The following NEDD4L variants were observed in gnomAD, a reference collection of about 807,000 sequenced individuals.
The protein encoded by NEDD4L is E3 ubiquitin-protein ligase NEDD4-like.
Under a neutral mutation model 148.9 loss-of-function variants are expected in NEDD4L, and 54 were observed. That is an observed-to-expected ratio of 0.36 (90% CI 0.29 to 0.45). NEDD4L has a LOEUF of 0.45. Ranked by LOEUF, NEDD4L falls within the 20% of genes least tolerant of loss-of-function variation. The probability of loss-of-function intolerance (pLI) is 1.00; values close to 1 mark genes in which losing one functional copy is unlikely to be tolerated. For synonymous variants in NEDD4L, 433 were observed against 440.7 expected (o/e 0.98, Z 0.22); for missense variants, 856 against 1,233.8 (o/e 0.69, Z 4.59).
chr18:58,155,256 T>C lies in NEDD4L; in HGVS notation c.49-10532T>C, dbSNP rs1362176616. Among the ~76,000 whole-genome samples the C allele has an allele frequency of 5.7e-5, 8 of 140,592 alleles. No homozygotes were observed. In the East Asian group the frequency reaches 1.7e-3, roughly 31 times the overall value. 92.2% of individuals were successfully genotyped at this position (140,592 alleles called of 152,430 possible). On this transcript the variant is annotated intron_variant, in intron 1 of 30. Transcript: ENST00000400345. ...TACCCACCCACATAGTAATTGCGAC[T>C]ATCTTGTGTTTTGAAAAAAAAAAAA...
chr18:58,392,343 T>C (rs2049945023), intron 30 of NEDD4L, among the ~76,000 whole-genome samples: 1 of 152,234 alleles, frequency 6.6e-6, no homozygotes, highest in African/African-American at 2.4e-5. Flanking sequence ...GTGTTTCTCA[T>C]GCAGCGGGGG....
chr18:58,119,747 C>T (rs1381376666), intron 1 of NEDD4L, among the ~76,000 whole-genome samples: 2 of 152,210 alleles, frequency 1.3e-5, no homozygotes, highest in African/African-American at 2.4e-5. Context: ...GGCTGCACAT[C>T]AGAATCACCT....
intron 24 of NEDD4L, among the ~76,000 whole-genome samples, chr18:58,375,652 T>C (rs1157371264): frequency 6.6e-6 from 1 of 152,034 alleles, no homozygotes; most frequent in African/African-American, 2.4e-5. Flanking sequence ...CATCACCTCT[T>C]TCCCTGCCAT....
At chr18:58,138,415 G>C (rs909992949) in intron 1 of NEDD4L, among the ~76,000 whole-genome samples, 7 of 115,174 alleles carry the variant, frequency 6.1e-5, no homozygotes, top group Non-Finnish European at 1.1e-4. Context: ...CATGAAGCAT[G>C]TGCACAGGTG....
At chr18:58,319,352 G>A (rs561241742) in intron 6 of NEDD4L, among the ~76,000 whole-genome samples, 8 of 152,296 alleles carry the variant, frequency 5.3e-5, no homozygotes, top group Admixed American at 1.3e-4. Flanking sequence ...TGCTTGCAGT[G>A]GTTGCATACA....
intron 1 of NEDD4L, among the ~76,000 whole-genome samples, chr18:58,101,445 A>G (rs1174635022): frequency 6.6e-6 from 1 of 151,892 alleles, no homozygotes; most frequent in Non-Finnish European, 1.5e-5. Context: ...TTTAATTTGC[A>G]TTTGGTGTCT....
At chr18:58,390,339 T>C (rs2049639833) in intron 28 of NEDD4L, 1 of 248,818 alleles carries the variant, frequency 4.0e-6, no homozygotes, top group South Asian at 1.0e-4. Context: ...ATAATTGGCT[T>C]AGGGGGAACT....
chr18:58,129,230 C>T (rs2031655504), intron 1 of NEDD4L, among the ~76,000 whole-genome samples: 1 of 152,240 alleles, frequency 6.6e-6, no homozygotes, highest in East Asian at 1.9e-4. Flanking sequence ...CCCTTGGCTG[C>T]TGCTGCTCAG....
chr18:58,235,365 C>T (rs1203463115), intron 2 of NEDD4L, among the ~76,000 whole-genome samples: 1 of 152,152 alleles, frequency 6.6e-6, no homozygotes, highest in Non-Finnish European at 1.5e-5. Context: ...TGCTCAGCAG[C>T]GTCCCTCTCT....
At chr18:58,166,572 T>C (rs1041377305) in intron 2 of NEDD4L, among the ~76,000 whole-genome samples, 5 of 152,210 alleles carry the variant, frequency 3.3e-5, no homozygotes, top group African/African-American at 9.6e-5. Context: ...ACATGAGTGA[T>C]GTTCTAGTCC....
intron 1 of NEDD4L, among the ~76,000 whole-genome samples, chr18:58,070,640 A>G (rs139956563): frequency 6.6e-6 from 1 of 152,224 alleles, no homozygotes; most frequent in Non-Finnish European, 1.5e-5. Flanking sequence ...CTCAAGGAAG[A>G]CTAAGGTAGA....
chr18:58,259,141 A>G (rs1313021818), intron 5 of NEDD4L, among the ~76,000 whole-genome samples: 1 of 152,164 alleles, frequency 6.6e-6, no homozygotes, highest in Non-Finnish European at 1.5e-5. Flanking sequence ...TACAAGATTA[A>G]GTTGTTGAGT....
chr18:58,195,582 T>G, intron 2 of NEDD4L: 1 of 1,340,268 alleles, frequency 7.5e-7, no homozygotes, highest in Non-Finnish European at 9.8e-7. Flanking sequence ...CACCTCCCAC[T>G]CCAGGCTGTT....
intron 1 of NEDD4L, chr18:58,046,527 G>A (rs1434397378): frequency 2.6e-5 from 4 of 152,228 alleles, no homozygotes; most frequent in Non-Finnish European, 5.9e-5. Flanking sequence ...GGGAAGTGCA[G>A]CTGGATAAAT....
At chr18:58,323,530 A>C (rs567082456) in intron 8 of NEDD4L, among the ~76,000 whole-genome samples, 196 bp downstream of exon 8, 292 of 152,304 alleles carry the variant, frequency 1.9e-3, no homozygotes, top group African/African-American at 6.6e-3. Flanking sequence ...TTATGTTACA[A>C]CACCAATCCT....
intron 1 of NEDD4L, among the ~76,000 whole-genome samples, chr18:58,104,088 A>T (rs979530974): frequency 2.0e-5 from 3 of 152,244 alleles, no homozygotes; most frequent in Non-Finnish European, 4.4e-5. Flanking sequence ...TGAATAGATT[A>T]AAAAACAGAT....
At chr18:58,243,967 CAT>C (rs1441515560) in intron 2 of NEDD4L, among the ~76,000 whole-genome samples, 4 of 152,162 alleles carry the variant, frequency 2.6e-5, no homozygotes, top group Non-Finnish European at 5.9e-5. Context: ...CGTGAACACA[CAT>C]ATGTGTACTA....
At chr18:58,354,703 T>C (rs1265394907) in intron 18 of NEDD4L, among the ~76,000 whole-genome samples, 1 of 152,124 alleles carries the variant, frequency 6.6e-6, no homozygotes, top group African/African-American at 2.4e-5. Context: ...TCCCTGTCCT[T>C]GGGGAGGTTA....
chr18:58,359,377 TACTTG>T (rs962394571), intron 19 of NEDD4L, among the ~76,000 whole-genome samples: 55 of 152,344 alleles, frequency 3.6e-4, no homozygotes, highest in African/African-American at 1.3e-3. Context: ...GTAACCCACA[TACTTG>T]ACTTAGGGTT....
Sources: gnomAD v4.1 joint callset for allele counts (sites outside exome capture counted in the v4.1 genomes callset) on GRCh38, gnomAD v4.1.1 for gene constraint, MANE v1.5 for transcripts, NCBI Gene and HGNC (gene_info 2026-07-23, HGNC 2026-07-21) for gene names.